Variants in RAB27A observed in about 807,000 individuals in gnomAD.
The protein encoded by RAB27A is ras-related protein Rab-27A.
Under a neutral mutation model 20.8 loss-of-function variants are expected in RAB27A, and 17 were observed. The observed-to-expected ratio is 0.82, with a 90% CI of 0.56 to 1.23. RAB27A has a LOEUF of 1.23. Ranked by LOEUF, RAB27A falls within the 50% of genes most tolerant of loss-of-function variation. The pLI, the probability that RAB27A is intolerant of heterozygous loss-of-function variation, is 0.00. For synonymous variants in RAB27A, 85 were observed against 92.8 expected, an observed-to-expected ratio of 0.92 and a Z score of 0.48; for missense variants, 277 against 266.7, an observed-to-expected ratio of 1.04 and a Z score of -0.27.
intron 1 of RAB27A, among the ~76,000 whole-genome samples, chr15:55,273,791 A>G (rs1398721860): frequency 6.6e-6 from 1 of 152,214 alleles, no homozygotes; most frequent in African/African-American, 2.4e-5. Flanking sequence ...TAACCATACA[A>G]TAATAGTAAG....
intron 5 of RAB27A, among the ~76,000 whole-genome samples, chr15:55,226,488 T>C (rs1278764332): frequency 6.6e-6 from 1 of 151,312 alleles, no homozygotes; most frequent in East Asian, 1.9e-4. Flanking sequence ...GTTCTGGCAC[T>C]CACCACTGAT....
chr15:55,278,590 C>A (rs554130582), intron 1 of RAB27A, among the ~76,000 whole-genome samples: 1 of 151,674 alleles, frequency 6.6e-6, no homozygotes, highest in Non-Finnish European at 1.5e-5. Flanking sequence ...TCACGCCATT[C>A]GCCTGCCTCA....
intron 6 of RAB27A, among the ~76,000 whole-genome samples, chr15:55,212,532 CTT>C (rs59221045): frequency 1.5e-4 from 20 of 133,942 alleles, no homozygotes; most frequent in Non-Finnish European, 7.9e-5. Context: ...AGCAACAAAT[CTT>C]TTTTTTTTTT....
intron 6 of RAB27A, chr15:55,206,184 C>T (rs918352458): frequency 1.9e-5 from 6 of 308,818 alleles, no homozygotes; most frequent in African/African-American, 1.4e-4. Flanking sequence ...GCACTCCAGC[C>T]TGGGCAATAG....
At chr15:55,301,376 C>A (rs1271210357) in intron 2 of RAB27A, among the ~76,000 whole-genome samples, 4 of 152,142 alleles carry the variant, frequency 2.6e-5, no homozygotes, top group African/African-American at 9.7e-5. Flanking sequence ...AAACACTGGT[C>A]TGCCTTAACT....
At chr15:55,304,066 G>A (rs2054987408) in intron 2 of RAB27A, among the ~76,000 whole-genome samples, 2 of 152,170 alleles carry the variant, frequency 1.3e-5, no homozygotes, top group Admixed American at 6.5e-5. Flanking sequence ...TGGTTGCCGT[G>A]TCTGTGTAGA....
intron 5 of RAB27A, among the ~76,000 whole-genome samples, chr15:55,224,224 T>C (rs1378630720): frequency 6.6e-6 from 1 of 152,220 alleles, no homozygotes; most frequent in Non-Finnish European, 1.5e-5. Flanking sequence ...CCCCAGTTTA[T>C]TGATATCGGA....
chr15:55,315,974 C>T (rs535269273), intron 1 of RAB27A, among the ~76,000 whole-genome samples: 1 of 152,280 alleles, frequency 6.6e-6, no homozygotes, highest in South Asian at 2.1e-4. Context: ...TGGCTCATGC[C>T]TATAATCCCA....
chr15:55,281,077 C>T (rs1446198520), intron 1 of RAB27A, among the ~76,000 whole-genome samples: 2 of 152,138 alleles, frequency 1.3e-5, no homozygotes, highest in Non-Finnish European at 2.9e-5. Flanking sequence ...CTTGAGGAAT[C>T]GCCACACTGT....
At position 55,204,353 on chromosome 15, in the gene RAB27A, C is replaced by A. The variant is rs1894541778; in HGVS notation, c.*1154G>T. 1 of 152,156 alleles carries A rather than the reference C, an allele frequency of 6.6e-6. No homozygotes were observed. The highest frequency in any genetic ancestry group is 2.4e-5 in the African/African-American group (1 of 41,450). 9.4% of individuals were successfully genotyped at this position (152,156 alleles called of 1,614,324 possible). ...AGCAAGTACAGTAAATGCTCATGAG[C>A]TCTATGAAAAATATAGGCTACAGAA... On this transcript the variant is annotated 3_prime_UTR_variant, in exon 7 of 7. Transcript: ENST00000336787.
At chr15:55,221,575 G>C (rs74807381) in intron 6 of RAB27A, among the ~76,000 whole-genome samples, 18,620 of 152,034 alleles carry the variant, frequency 0.12, 1,418 homozygotes, top group Admixed American at 0.2. Context: ...AGATCACGTG[G>C]GGAGATTTTA....
intron 2 of RAB27A, among the ~76,000 whole-genome samples, chr15:55,300,877 T>G (rs979291892): frequency 6.6e-6 from 1 of 152,186 alleles, no homozygotes; most frequent in East Asian, 1.9e-4. Flanking sequence ...GCCCAGTGAT[T>G]TAAATAGCTG....
chr15:55,297,199 C>T (rs1316531687), intron 2 of RAB27A, among the ~76,000 whole-genome samples: 1 of 152,188 alleles, frequency 6.6e-6, no homozygotes, highest in East Asian at 1.9e-4. Flanking sequence ...ATCAGGCAAG[C>T]CTTCTTTTGA....
intron 2 of RAB27A, among the ~76,000 whole-genome samples, chr15:55,235,843 G>A (rs1010875804): frequency 3.3e-5 from 5 of 152,080 alleles, no homozygotes; most frequent in East Asian, 1.9e-4. Context: ...AAAAAGGAAC[G>A]AAATAATGGC....
rs185136464 is a variant in RAB27A at position 55,273,428 on chromosome 15, T to A, written c.-142-3144A>T. 1.2e-3 allele frequency among the ~76,000 whole-genome samples: 176 copies of A among 147,796 alleles called. 1 individual carries two copies. Among genetic ancestry groups the A allele is most frequent in the African/African-American group, 4.2e-3 (167 of 40,064 alleles). On this transcript the variant is annotated intron_variant, in intron 1 of 6. Transcript: ENST00000336787. ...CATCTCAAAAAAAAAAAAATAAAAA[T>A]AAAAATAAAAAATAAAAGACATAGA...
chr15:55,307,712 A>AT (rs1057325972), intron 2 of RAB27A, among the ~76,000 whole-genome samples: 135 of 150,500 alleles, frequency 9.0e-4, no homozygotes, highest in African/African-American at 3.1e-3. Context: ...AATCCCTGTG[A>AT]TTTTGGCATG....
intron 1 of RAB27A, among the ~76,000 whole-genome samples, chr15:55,275,282 G>T (rs779700225): frequency 1.3e-5 from 2 of 151,172 alleles, no homozygotes; most frequent in African/African-American, 2.4e-5. Context: ...ACAAAAAAAA[G>T]TGGGATTACA....
chr15:55,262,036 CAA>C (rs75960374), intron 2 of RAB27A, among the ~76,000 whole-genome samples: 23 of 84,012 alleles, frequency 2.7e-4, no homozygotes, highest in East Asian at 3.3e-4. Context: ...GACTCCATCC[CAA>C]AAAAAAAAAA....
At chr15:55,257,219 T>C (rs56244723) in intron 2 of RAB27A, among the ~76,000 whole-genome samples, 7,238 of 152,000 alleles carry the variant, frequency 0.048, 591 homozygotes, top group African/African-American at 0.17. Flanking sequence ...GATGATGAGA[T>C]TGGATCGGGG....
Sources: gnomAD v4.1 joint callset for allele counts (sites outside exome capture counted in the v4.1 genomes callset) on GRCh38, gnomAD v4.1.1 for gene constraint, MANE v1.5 for transcripts, NCBI Gene and HGNC (gene_info 2026-07-23, HGNC 2026-07-21) for gene names.